The following CASS4 variants were observed in gnomAD, a reference collection of about 807,000 sequenced individuals.
The protein encoded by CASS4 is Cas scaffold protein family member 4, also known as cas scaffolding protein family member 4.
Under a neutral mutation model 54.2 loss-of-function variants are expected in CASS4, and 22 were observed. That is an observed-to-expected ratio of 0.41 (90% CI 0.29 to 0.58). The LOEUF (loss-of-function observed/expected upper bound fraction) is 0.58. CASS4 is among the 20% of genes least tolerant of loss of function. CASS4 has a pLI of 0.36. For synonymous variants in CASS4, 409 were observed against 391.5 expected, an observed-to-expected ratio of 1.04 and a Z score of -0.53; for missense variants, 854 against 986.7, an observed-to-expected ratio of 0.87 and a Z score of 1.80.
intron 1 of CASS4, among the ~76,000 whole-genome samples, chr20:56,419,182 T>G (rs1253068617): frequency 6.6e-6 from 1 of 151,934 alleles, no homozygotes; most frequent in Non-Finnish European, 1.5e-5. Context: ...GGGAAATAGC[T>G]TAAAAGGAGG....
At position 56,430,304 on chromosome 20, in the gene CASS4, A is replaced by G. The variant is rs1004947989; in HGVS notation, c.37-6860A>G. Among the ~76,000 whole-genome samples the G allele has an allele frequency of 3.3e-5, 5 of 152,126 alleles. No homozygotes were observed. Among genetic ancestry groups the G allele is most frequent in the African/African-American group, 9.7e-5 (4 of 41,416 alleles). On this transcript the variant is annotated intron_variant, in intron 1 of 5. Transcript: ENST00000679887. This position sits in a 1 kb window ranked among gnomAD's most constrained non-coding sequence, Gnocchi z 4.2. Reference sequence around the variant, plus strand: ...TCCTCCTGTTCTTCCTTCCAAATGCATATTCATTTTCCTTTTCCCTCTCCC... The same window carrying G: ...TCCTCCTGTTCTTCCTTCCAAATGCGTATTCATTTTCCTTTTCCCTCTCCC...
At chr20:56,434,134 G>A (rs1980042846) in intron 1 of CASS4, among the ~76,000 whole-genome samples, 1 of 152,204 alleles carries the variant, frequency 6.6e-6, no homozygotes, top group Non-Finnish European at 1.5e-5. Context: ...CACCGTGGGT[G>A]GAGGTGTGAA....
chr20:56,445,673 G>C (rs1323917980), intron 2 of CASS4, among the ~76,000 whole-genome samples: 8 of 152,190 alleles, frequency 5.3e-5, no homozygotes, highest in Non-Finnish European at 1.0e-4. Context: ...AGGTGAGGCA[G>C]GTAAAGAACA....
intron 2 of CASS4, among the ~76,000 whole-genome samples, chr20:56,445,586 C>T (rs767829746): frequency 6.6e-5 from 10 of 152,226 alleles, no homozygotes; most frequent in Admixed American, 1.3e-4. Flanking sequence ...TCCCGGCCCC[C>T]CTCGACACCC....
At chr20:56,449,362 G>A (rs1461577946) in intron 3 of CASS4, among the ~76,000 whole-genome samples, 5 of 151,644 alleles carry the variant, frequency 3.3e-5, no homozygotes, top group African/African-American at 1.2e-4. Flanking sequence ...TGCAAGGACA[G>A]AAAACCAAAC....
At chr20:56,429,123 A>G (rs1979781155) in intron 1 of CASS4, among the ~76,000 whole-genome samples, 1 of 152,250 alleles carries the variant, frequency 6.6e-6, no homozygotes, top group South Asian at 2.1e-4. Context: ...ATGAGGCAGC[A>G]TAACTGAGGC....
chr20:56,428,687 G>C lies in CASS4; in HGVS notation c.37-8477G>C, dbSNP rs141645352. ...AGCTGTCTTTAAACCAGCTCTTTCT[G>C]GATTTGCACACATTTGGATGTAAGA... On this transcript the variant is annotated intron_variant, in intron 1 of 5. Transcript: ENST00000679887. Among the ~76,000 whole-genome samples the C allele has an allele frequency of 1.1e-4, 17 of 152,250 alleles. No homozygotes were observed. The East Asian group carries it at 2.9e-3, about 26-fold the overall frequency.
Position 56,433,562 on chromosome 20 carries a change from C to T in CASS4, c.37-3602C>T, listed in dbSNP as rs541686469. On this transcript the variant is annotated intron_variant, in intron 1 of 5. Coordinates refer to ENST00000679887, the MANE Select transcript of CASS4 (RefSeq NM_020356.4). ...TTTGTGTCCCTGAAAAACTCGAGGA[C>T]GACAACAGTGCCATATGTAATAAAC... Among the ~76,000 whole-genome samples, 6 of 152,204 alleles carry T rather than the reference C, an allele frequency of 3.9e-5. No homozygotes were observed. The South Asian group carries it at 6.2e-4, about 16-fold the overall frequency.
chr20:56,456,001 T>G (rs1199105381), intron 5 of CASS4, among the ~76,000 whole-genome samples: 1 of 151,514 alleles, frequency 6.6e-6, no homozygotes, highest in Non-Finnish European at 1.5e-5. Flanking sequence ...TTTGATCTAG[T>G]AGGTCTGGGG....
Position 56,437,041 on chromosome 20 carries a change from GGAA to G in CASS4, c.37-119_37-117del. On this transcript the variant is annotated intron_variant, in intron 1 of 5. Coordinates refer to ENST00000679887, the MANE Select transcript of CASS4 (RefSeq NM_020356.4). The surrounding 1 kb of genome is among the most constrained non-coding windows in gnomAD (Gnocchi z 4.7). The stretch of plus-strand genomic sequence containing the variant: ...GAGCAGGGACAAGAGCCTCTGGGGT[GGAA>G]GAAATGAAATGAAAGGGCATGATGA... 1 of 886,494 alleles carries G rather than the reference GGAA, an allele frequency of 1.1e-6. No individual in the cohort carries two copies. The allele number at this position is 886,494 out of a possible 1,614,324, so 54.9% of individuals were successfully genotyped here. A position where few individuals can be genotyped will look rare whatever the true frequency, so the allele number is the denominator to read the frequency against.
chr20:56,417,471 A>G (rs1329586100), intron 1 of CASS4, among the ~76,000 whole-genome samples: 1 of 151,624 alleles, frequency 6.6e-6, no homozygotes, highest in East Asian at 1.9e-4. Context: ...CACCGCCAAC[A>G]CTCTCATCTA....
chr20:56,421,538 T>A (rs972763708), intron 1 of CASS4, among the ~76,000 whole-genome samples: 2 of 151,936 alleles, frequency 1.3e-5, no homozygotes, highest in South Asian at 2.1e-4. Flanking sequence ...CTACAAAAAA[T>A]TTTTAAAAGT....
rs762817861 is a variant in CASS4 at position 56,458,507 on chromosome 20, G to A, written c.2121G>A (p.Lys707=). Residue 707 remains lysine (K), a synonymous_variant, in exon 6 of 6, where the codon AAG becomes AAA. Transcript: ENST00000679887. ...CCGCGGAGATCATCACTCAGAGCAA[G>A]CTGGTCATCATGGTGGGACAGAAGC... ...SQPAEIITQS[K]LVIMVGQKLV... 3 of 1,614,196 alleles carry A rather than the reference G, an allele frequency of 1.9e-6. No individual in the cohort carries two copies. The highest frequency in any genetic ancestry group is 1.6e-4 in the Middle Eastern group (1 of 6,062).
At chr20:56,429,721 G>A (rs919149714) in intron 1 of CASS4, among the ~76,000 whole-genome samples, 1 of 151,906 alleles carries the variant, frequency 6.6e-6, no homozygotes, top group Admixed American at 6.6e-5. Context: ...CACTTTATCT[G>A]ACTAACTCCT....
intron 5 of CASS4, among the ~76,000 whole-genome samples, chr20:56,456,399 A>T (rs1287670315): frequency 6.6e-6 from 1 of 151,676 alleles, no homozygotes; most frequent in African/African-American, 2.4e-5. Context: ...TTTGAGACGA[A>T]GTCTTGCTCT....
chr20:56,426,388 G>T (rs1034103115), intron 1 of CASS4, among the ~76,000 whole-genome samples: 1 of 152,194 alleles, frequency 6.6e-6, no homozygotes, highest in African/African-American at 2.4e-5. Flanking sequence ...GAGCTATCCT[G>T]ATTCCCGAGG....
chr20:56,446,243 T>C (rs944236768), intron 3 of CASS4, among the ~76,000 whole-genome samples: 2 of 152,208 alleles, frequency 1.3e-5, no homozygotes, highest in African/African-American at 4.8e-5. Context: ...TTACTTTTCA[T>C]TTATAATAGA....
intron 1 of CASS4, among the ~76,000 whole-genome samples, chr20:56,427,644 C>A (rs1022227310): frequency 4.9e-4 from 74 of 152,220 alleles, no homozygotes; most frequent in African/African-American, 1.7e-3. Flanking sequence ...TCACTGATCT[C>A]AACATAAAAG....
intron 3 of CASS4, among the ~76,000 whole-genome samples, chr20:56,448,307 A>C (rs950124443): frequency 6.6e-6 from 1 of 152,146 alleles, no homozygotes; most frequent in Non-Finnish European, 1.5e-5. Context: ...TTGCATTTTA[A>C]ATAGTATTTA....
Sources: gnomAD v4.1 joint callset for allele counts (sites outside exome capture counted in the v4.1 genomes callset) on GRCh38, gnomAD v4.1.1 for gene constraint, Gnocchi (gnomAD v3.1) non-coding constraint, MANE v1.5 for transcripts, NCBI Gene and HGNC (gene_info 2026-07-23, HGNC 2026-07-21) for gene names.